Variants in COL4A5 observed in about 807,000 individuals in gnomAD.
COL4A5 encodes collagen alpha-5(IV) chain.
In COL4A5, 26 loss-of-function variants were observed where a neutral mutation model predicts 130.2. That is an observed-to-expected ratio of 0.20 (90% CI 0.15 to 0.28). The LOEUF is 0.28. COL4A5 is among the 10% of genes least tolerant of loss of function. COL4A5 has a pLI of 1.00. For synonymous variants in COL4A5, 496 were observed against 439.6 expected (o/e 1.13, Z -1.60); for missense variants, 1,131 against 1,344.3 (o/e 0.84, Z 2.48).
rs2147860342 is a variant in COL4A5, at chrX:108,620,392, G to A, written c.2643G>A (p.Gly881=). The change falls in exon 31 of 53, where the codon GGG becomes GGA. Residue 881 remains glycine (G), a synonymous_variant. Coordinates refer to ENST00000328300, the MANE Select transcript of COL4A5 (RefSeq NM_033380.3). The stretch of plus-strand genomic sequence containing the variant: ...CTATAGGACCTCCAGGATCACCAGG[G>A]CTTCCAGGAAAAGCAGGTGCCTCTG... ...PGPIGPPGSP[G]LPGKAGASGF... The A allele has an allele frequency of 8.3e-7, 1 of 1,210,155 alleles. No individual in the cohort carries two copies.
intron 1 of COL4A5, among the ~76,000 whole-genome samples, chrX:108,535,171 G>A (rs978177716): frequency 2.7e-5 from 3 of 110,266 alleles, no homozygotes; most frequent in African/African-American, 9.8e-5. Context: ...ATTTTATTTC[G>A]ATTGAGCTAT....
At chrX:108,452,842 G>A (rs2064537731) in intron 1 of COL4A5, among the ~76,000 whole-genome samples, 1 of 110,913 alleles carries the variant, frequency 9.0e-6, no homozygotes, top group Non-Finnish European at 1.9e-5. Context: ...AATTGCCCTG[G>A]CCAGAACTTC....
At chrX:108,471,833 T>G (rs957396159) in intron 1 of COL4A5, among the ~76,000 whole-genome samples, 3 of 111,522 alleles carry the variant, frequency 2.7e-5, no homozygotes, top group African/African-American at 9.8e-5. Flanking sequence ...TCTATATTGC[T>G]TATCTCCACT....
intron 1 of COL4A5, among the ~76,000 whole-genome samples, chrX:108,536,646 G>A (rs905275008): frequency 9.0e-6 from 1 of 111,189 alleles, no homozygotes; most frequent in South Asian, 3.7e-4. Context: ...CCAAGTTGAA[G>A]TCCAGGTATT....
intron 30 of COL4A5, among the ~76,000 whole-genome samples, chrX:108,617,007 G>T (rs187277433): frequency 1.4e-4 from 16 of 110,567 alleles, no homozygotes; most frequent in Non-Finnish European, 1.9e-4. Flanking sequence ...ATATTAATAT[G>T]ATTCAACAAA....
intron 1 of COL4A5, among the ~76,000 whole-genome samples, chrX:108,445,023 A>AT (rs752068743): frequency 1.2e-4 from 13 of 105,715 alleles, no homozygotes; most frequent in South Asian, 4.1e-4. Context: ...TATCTCACAT[A>AT]TTTTTTTTTT....
chrX:108,696,448 T>A lies in COL4A5; in HGVS notation c.*70T>A. On this transcript the variant is annotated 3_prime_UTR_variant, in exon 53 of 53. Transcript: ENST00000328300. Reference sequence around the variant, plus strand: ...TATATAAAATTCCTAGGATGCAGTGTCTCATTGTCCCCAACTTTACTACTG... The same window carrying A: ...TATATAAAATTCCTAGGATGCAGTGACTCATTGTCCCCAACTTTACTACTG... 1.1e-6 allele frequency: 1 copy of A among 870,276 alleles called. No individual in the cohort carries two copies. The highest frequency in any genetic ancestry group is 2.2e-5 in the South Asian group (1 of 45,187). The allele number at this position is 870,276 out of a possible 1,213,427, so 71.7% of individuals were successfully genotyped here.
chrX:108,643,193 A>C (rs2067506483), intron 36 of COL4A5, among the ~76,000 whole-genome samples: 1 of 112,007 alleles, frequency 8.9e-6, no homozygotes, highest in South Asian at 3.6e-4. Flanking sequence ...AATATAAACA[A>C]AGCCTCCAAG....
intron 1 of COL4A5, among the ~76,000 whole-genome samples, chrX:108,511,351 C>T (rs1248183898): frequency 9.0e-6 from 1 of 111,607 alleles, no homozygotes; most frequent in Non-Finnish European, 1.9e-5. Context: ...GATCATGCAT[C>T]AGAAAAATTA....
intron 42 of COL4A5, among the ~76,000 whole-genome samples, chrX:108,672,631 C>T (rs1267881212): frequency 9.0e-6 from 1 of 110,618 alleles, no homozygotes; most frequent in Non-Finnish European, 1.9e-5. Context: ...GATTGTGGAC[C>T]TCATACAAAA....
At chrX:108,668,911 A>G (rs2068140551) in intron 41 of COL4A5, among the ~76,000 whole-genome samples, 1 of 112,011 alleles carries the variant, frequency 8.9e-6, no homozygotes, top group Non-Finnish European at 1.9e-5. Context: ...CACCCAATAG[A>G]TGCTTGTGGT....
intron 49 of COL4A5, among the ~76,000 whole-genome samples, chrX:108,689,105 C>G (rs1455161018): frequency 9.0e-6 from 1 of 111,120 alleles, no homozygotes; most frequent in African/African-American, 3.3e-5. Flanking sequence ...TTCAACTTTC[C>G]TCTGCTACTT....
intron 1 of COL4A5, among the ~76,000 whole-genome samples, chrX:108,443,888 T>G (rs1281095880): frequency 8.9e-6 from 1 of 112,341 alleles, no homozygotes; most frequent in East Asian, 2.8e-4. Flanking sequence ...TTGAATAAAT[T>G]ATTGTTGTGA....
intron 51 of COL4A5, 28 bp downstream of exon 51, chrX:108,694,949 C>T: frequency 9.7e-7 from 1 of 1,029,530 alleles, no homozygotes; most frequent in Non-Finnish European, 1.4e-6. Context: ...TTGCATTTGT[C>T]ATCATAGCTG....
chrX:108,530,970 C>T (rs1293064150), intron 1 of COL4A5, among the ~76,000 whole-genome samples: 2 of 99,220 alleles, frequency 2.0e-5, no homozygotes, highest in Non-Finnish European at 4.1e-5. Context: ...AAATGTCCAA[C>T]AATGATAGAC....
chrX:108,540,386 ATACCAGGCAATATCATGTATT>A (rs2147659570), intron 2 of COL4A5, among the ~76,000 whole-genome samples: 1 of 112,410 alleles, frequency 8.9e-6, no homozygotes, highest in East Asian at 2.8e-4. Flanking sequence ...TCTCTGCCAG[ATACCAGGCAATATCATGTATT>A]TTTATCTAGT....
intron 49 of COL4A5, among the ~76,000 whole-genome samples, chrX:108,691,453 A>G (rs2068638396): frequency 9.0e-6 from 1 of 111,096 alleles, no homozygotes; most frequent in Non-Finnish European, 1.9e-5. Flanking sequence ...CCAACCTTCT[A>G]AGAAATACGT....
chrX:108,562,513 G>A (rs895784778), intron 3 of COL4A5, among the ~76,000 whole-genome samples: 1 of 111,863 alleles, frequency 8.9e-6, no homozygotes, highest in African/African-American at 3.2e-5. Context: ...ATTTATAAAG[G>A]TGTGCTTGTA....
chrX:108,624,107 A>G (rs376573757), intron 33 of COL4A5, 129 bp from the exon 34 acceptor site: 127 of 547,723 alleles, frequency 2.3e-4, no homozygotes, highest in African/African-American at 2.0e-3. Flanking sequence ...AATAGCTCAT[A>G]CTATATCAGA....
Sources: allele counts gnomAD v4.1 joint callset (sites outside exome capture counted in the v4.1 genomes callset), GRCh38; gene constraint gnomAD v4.1.1; transcripts MANE v1.5; gene names NCBI Gene and HGNC (gene_info 2026-07-23, HGNC 2026-07-21).